The following PLCB1 variants were observed in gnomAD, a reference collection of about 807,000 sequenced individuals.
PLCB1 encodes 1-phosphatidylinositol 4,5-bisphosphate phosphodiesterase beta-1.
A neutral mutation model predicts 161.8 loss-of-function variants in PLCB1; 46 were observed. The ratio of observed to expected loss-of-function variants is 0.28; its 90% CI spans 0.22 to 0.36. PLCB1 has a LOEUF of 0.36. Ranked by LOEUF, PLCB1 falls within the 10% of genes least tolerant of loss-of-function variation. PLCB1 has a pLI of 1.00. For missense variants in PLCB1, 1,016 were observed against 1,472.5 expected, an observed-to-expected ratio of 0.69 and a Z score of 5.07; for synonymous variants, 517 against 503.7, an observed-to-expected ratio of 1.03 and a Z score of -0.35.
chr20:8,207,236 A>C (rs1313429853), intron 2 of PLCB1, among the ~76,000 whole-genome samples: 1 of 152,214 alleles, frequency 6.6e-6, no homozygotes, highest in Non-Finnish European at 1.5e-5. Context: ...TACAGGGAAG[A>C]AAGTGCAAGA....
intron 2 of PLCB1, among the ~76,000 whole-genome samples, chr20:8,222,382 G>A (rs547583332): frequency 4.6e-5 from 7 of 152,172 alleles, no homozygotes; most frequent in East Asian, 1.9e-4. Flanking sequence ...CTGGGGTAAC[G>A]TAGTTGTTTC....
chr20:8,775,349 CAGAT>C (rs1224918413), intron 27 of PLCB1, among the ~76,000 whole-genome samples: 2 of 152,148 alleles, frequency 1.3e-5, no homozygotes, highest in African/African-American at 4.8e-5. Flanking sequence ...ATATTTGTGA[CAGAT>C]AGATTAGATA....
At chr20:8,493,372 TG>T (rs1389761586) in intron 3 of PLCB1, among the ~76,000 whole-genome samples, 1 of 152,228 alleles carries the variant, frequency 6.6e-6, no homozygotes, top group African/African-American at 2.4e-5. Context: ...TAAAATTTTT[TG>T]TGTAGGTTGT....
chr20:8,562,353 C>T (rs117704944), intron 3 of PLCB1, among the ~76,000 whole-genome samples: 3,136 of 152,116 alleles, frequency 0.021, 47 homozygotes, highest in Middle Eastern at 0.037. Context: ...AATGTTTGGT[C>T]GTGGTTAAGA....
chr20:8,731,331 C>T (rs1275773903), intron 18 of PLCB1, among the ~76,000 whole-genome samples: 1 of 151,928 alleles, frequency 6.6e-6, no homozygotes, highest in East Asian at 1.9e-4. Flanking sequence ...TAGAAACAAT[C>T]GAATTGCTGT....
At chr20:8,225,476 A>G (rs544729799) in intron 2 of PLCB1, among the ~76,000 whole-genome samples, 1 of 152,212 alleles carries the variant, frequency 6.6e-6, no homozygotes, top group African/African-American at 2.4e-5. Context: ...TGAGGCTTAT[A>G]GTATTTTAGA....
At chr20:8,419,327 G>A (rs1475120192) in intron 3 of PLCB1, among the ~76,000 whole-genome samples, 1 of 152,088 alleles carries the variant, frequency 6.6e-6, no homozygotes, top group Non-Finnish European at 1.5e-5. Context: ...TCAGAAATGT[G>A]TCTTTAGCCA....
intron 3 of PLCB1, among the ~76,000 whole-genome samples, chr20:8,495,899 G>A (rs1983150322): frequency 6.6e-6 from 1 of 151,964 alleles, no homozygotes; most frequent in Non-Finnish European, 1.5e-5. Context: ...TCAAAGTAAC[G>A]AAGGGTACTT....
chr20:8,612,636 T>C (rs1487391920), intron 3 of PLCB1, among the ~76,000 whole-genome samples: 2 of 152,182 alleles, frequency 1.3e-5, no homozygotes, highest in Non-Finnish European at 2.9e-5. Flanking sequence ...TCTGCCCCAG[T>C]TACTGATTGA....
intron 2 of PLCB1, among the ~76,000 whole-genome samples, chr20:8,224,283 A>G (rs2123168993): frequency 6.6e-6 from 1 of 152,276 alleles, no homozygotes; most frequent in East Asian, 1.9e-4. Context: ...AAATGATCGT[A>G]TCTATCTTTA....
chr20:8,623,316 T>A (rs559414308), intron 3 of PLCB1, among the ~76,000 whole-genome samples: 2 of 151,844 alleles, frequency 1.3e-5, no homozygotes, highest in Non-Finnish European at 2.9e-5. Context: ...TTTCTTCTAA[T>A]TTTTTTTTGT....
chr20:8,556,761 T>C (rs1007793283), intron 3 of PLCB1, among the ~76,000 whole-genome samples: 1 of 150,876 alleles, frequency 6.6e-6, no homozygotes, highest in African/African-American at 2.4e-5. Flanking sequence ...GCTAACAAAA[T>C]AGAGACTTCA....
intron 26 of PLCB1, among the ~76,000 whole-genome samples, chr20:8,774,280 G>A (rs538797702): frequency 1.3e-5 from 2 of 152,200 alleles, no homozygotes; most frequent in African/African-American, 4.8e-5. Flanking sequence ...CCACTGCCAT[G>A]CCTAGGGCCC....
intron 2 of PLCB1, among the ~76,000 whole-genome samples, chr20:8,357,464 T>G (rs1986396511): frequency 6.6e-6 from 1 of 152,294 alleles, no homozygotes; most frequent in Middle Eastern, 3.4e-3. Flanking sequence ...TTGCCCTTGG[T>G]GAGAAATCCT....
At chr20:8,750,572 G>T (rs1166768497) in intron 23 of PLCB1, among the ~76,000 whole-genome samples, 2 of 152,092 alleles carry the variant, frequency 1.3e-5, no homozygotes, top group African/African-American at 4.8e-5. Context: ...TTTAAAGTAG[G>T]TTGCAAACAT....
intron 3 of PLCB1, among the ~76,000 whole-genome samples, chr20:8,462,642 C>A (rs935884988): frequency 6.6e-6 from 1 of 152,086 alleles, no homozygotes; most frequent in Non-Finnish European, 1.5e-5. Context: ...TTAAAGTAAA[C>A]CAACCAATTT....
At chr20:8,531,077 A>C (rs898531731) in intron 3 of PLCB1, among the ~76,000 whole-genome samples, 1 of 152,112 alleles carries the variant, frequency 6.6e-6, no homozygotes, top group Non-Finnish European at 1.5e-5. Flanking sequence ...GTAGAAAATT[A>C]AACTAGATTT....
chr20:8,543,825 G>A (rs1026964122), intron 3 of PLCB1, among the ~76,000 whole-genome samples: 1 of 152,052 alleles, frequency 6.6e-6, no homozygotes, highest in Admixed American at 6.6e-5. Flanking sequence ...TAATAAGGGG[G>A]CTCATTCTCA....
chr20:8,499,047 G>GA (rs1345069171), intron 3 of PLCB1, among the ~76,000 whole-genome samples: 2 of 152,082 alleles, frequency 1.3e-5, no homozygotes, highest in Non-Finnish European at 2.9e-5. Flanking sequence ...GAAAACCCAA[G>GA]AAAAAATAAG....
Sources: gnomAD v4.1 joint callset for allele counts (sites outside exome capture counted in the v4.1 genomes callset) on GRCh38, gnomAD v4.1.1 for gene constraint, MANE v1.5 for transcripts, NCBI Gene and HGNC (gene_info 2026-07-23, HGNC 2026-07-21) for gene names.